LARGE1: variants seen among roughly 807,000 people sequenced by gnomAD.
LARGE1 encodes xylosyl- and glucuronyltransferase LARGE1.
LARGE1 carries 43 observed loss-of-function variants against 87.6 expected under a neutral mutation model. The observed-to-expected ratio is 0.49, with a 90% CI of 0.38 to 0.63. LARGE1 has a LOEUF of 0.63. LARGE1 is among the 30% of genes least tolerant of loss of function. The pLI is 0.00. For synonymous variants in LARGE1, 434 were observed against 394.6 expected (o/e 1.10, Z -1.18); for missense variants, 802 against 1,000.2 (o/e 0.80, Z 2.67).
chr22:33,122,401 C>T, the LARGE1 span, among the ~76,000 whole-genome samples: 3 of 150,030 alleles, frequency 2.0e-5, no homozygotes, highest in African/African-American at 7.4e-5. Flanking sequence ...TCTTGTCGCC[C>T]AGGCTGGAGT....
chr22:33,361,023 T>C (rs1426629350), intron 9 of LARGE1, among the ~76,000 whole-genome samples: 1 of 148,984 alleles, frequency 6.7e-6, no homozygotes, highest in African/African-American at 2.5e-5. Flanking sequence ...AAGACAAGCC[T>C]GCCCAACATG....
intron 2 of LARGE1, among the ~76,000 whole-genome samples, chr22:33,721,663 A>T (rs1461784517): frequency 6.6e-6 from 1 of 152,212 alleles, no homozygotes; most frequent in Non-Finnish European, 1.5e-5. Context: ...GCAGCCACAC[A>T]GTAAATGCAT....
intron 6 of LARGE1, among the ~76,000 whole-genome samples, chr22:33,491,438 G>C (rs900154004): frequency 4.6e-5 from 7 of 152,146 alleles, no homozygotes; most frequent in African/African-American, 1.7e-4. Flanking sequence ...AGTTAAAAAA[G>C]ATGAACGCAT....
At chr22:33,541,078 G>GGGGT (rs1569252354) in intron 6 of LARGE1, among the ~76,000 whole-genome samples, 11 of 62,190 alleles carry the variant, frequency 1.8e-4, no homozygotes, top group East Asian at 6.0e-4. Flanking sequence ...CGGGGGGCGG[G>GGGGT]TTGCAGGGGG....
At chr22:33,319,349 C>T (rs73401407) in intron 10 of LARGE1, among the ~76,000 whole-genome samples, 3,640 of 152,252 alleles carry the variant, frequency 0.024, 138 homozygotes, top group African/African-American at 0.083. Context: ...AGCTCCTCCC[C>T]AATTGCCAAA....
At chr22:33,836,060 G>A (rs1337327487) in intron 1 of LARGE1, among the ~76,000 whole-genome samples, 1 of 152,204 alleles carries the variant, frequency 6.6e-6, no homozygotes, top group Admixed American at 6.5e-5. Context: ...CTGGGGAAGA[G>A]GCCACATTTC....
intron 6 of LARGE1, among the ~76,000 whole-genome samples, chr22:33,450,703 T>G (rs1383686198): frequency 6.6e-6 from 1 of 152,208 alleles, no homozygotes; most frequent in Non-Finnish European, 1.5e-5. Flanking sequence ...TTTAGTCCAA[T>G]CTTTTCATCG....
intron 11 of LARGE1, among the ~76,000 whole-genome samples, chr22:33,212,376 A>G (rs1925006663): frequency 6.6e-6 from 1 of 152,242 alleles, no homozygotes; most frequent in Non-Finnish European, 1.5e-5. Flanking sequence ...AAGCCTGGAT[A>G]ACAGCATATC....
At chr22:33,677,901 A>G (rs2081630574) in intron 2 of LARGE1, among the ~76,000 whole-genome samples, 1 of 152,234 alleles carries the variant, frequency 6.6e-6, no homozygotes, top group Non-Finnish European at 1.5e-5. Context: ...GCGGTCCTCC[A>G]GTACCAGACA....
chr22:33,394,686 C>T (rs2065660083), intron 7 of LARGE1, among the ~76,000 whole-genome samples: 1 of 148,134 alleles, frequency 6.8e-6, no homozygotes, highest in African/African-American at 2.6e-5. Context: ...ACCATGTGGT[C>T]TCAACCTCCT....
Position 33,240,176 on chromosome 22 carries a change from T to C in LARGE1, c.1730+64053A>G, listed in dbSNP as rs551294099. Among the ~76,000 whole-genome samples, 14 of 152,338 alleles carry C rather than the reference T, an allele frequency of 9.2e-5. No individual in the cohort carries two copies. The South Asian group carries it at 2.9e-3, about 32-fold the overall frequency. On this transcript the variant is annotated intron_variant, in intron 11 of 11. Coordinates refer to the LARGE1 transcript ENST00000608642. Reference sequence around the variant, plus strand: ...ACCAGCATTTTGTTTTGTCTGTCTTTTTTCCTTTGGTTATTCTAGTGGGCA... The same window carrying C: ...ACCAGCATTTTGTTTTGTCTGTCTTCTTTCCTTTGGTTATTCTAGTGGGCA...
At chr22:33,744,616 T>C (rs1401870412) in intron 2 of LARGE1, among the ~76,000 whole-genome samples, 1 of 152,256 alleles carries the variant, frequency 6.6e-6, no homozygotes, top group Non-Finnish European at 1.5e-5. Flanking sequence ...TTAGGTTTTA[T>C]GTACTGTGTT....
the LARGE1 span, among the ~76,000 whole-genome samples, chr22:33,118,504 G>GAAAAAAAAAA: frequency 5.0e-5 from 4 of 80,452 alleles, no homozygotes; most frequent in Admixed American, 1.4e-4. Flanking sequence ...AAAGAAAAAA[G>GAAAAAAAAAA]AAAAAAAAAA....
At chr22:33,431,698 A>T (rs940569921) in intron 7 of LARGE1, among the ~76,000 whole-genome samples, 3 of 152,242 alleles carry the variant, frequency 2.0e-5, no homozygotes, top group Non-Finnish European at 4.4e-5. Context: ...TTCCCACCAC[A>T]TACATGGAAG....
chr22:33,528,131 G>A (rs1390433383), intron 6 of LARGE1, among the ~76,000 whole-genome samples: 4 of 144,822 alleles, frequency 2.8e-5, no homozygotes, highest in Non-Finnish European at 4.4e-5. Context: ...GGCAGAGGTC[G>A]GGGGGGGCGG....
At chr22:33,390,355 C>T (rs372799519) in intron 7 of LARGE1, among the ~76,000 whole-genome samples, 26 of 152,256 alleles carry the variant, frequency 1.7e-4, no homozygotes, top group African/African-American at 5.1e-4. Flanking sequence ...AAGTTTGCAT[C>T]GATGTGGGAA....
At chr22:33,627,509 C>A (rs976014565) in intron 3 of LARGE1, among the ~76,000 whole-genome samples, 2 of 152,210 alleles carry the variant, frequency 1.3e-5, no homozygotes, top group African/African-American at 4.8e-5. Context: ...CTGAGAGATG[C>A]CTTTTCTTTT....
chr22:33,574,683 CAATT>C (rs2078299134), intron 5 of LARGE1, among the ~76,000 whole-genome samples: 1 of 138,714 alleles, frequency 7.2e-6, no homozygotes, highest in Non-Finnish European at 1.5e-5. Context: ...GAGATATAAA[CAATT>C]GTGTGTGTGT....
the LARGE1 span, among the ~76,000 whole-genome samples, chr22:33,091,391 T>A: frequency 1.3e-5 from 2 of 152,174 alleles, no homozygotes; most frequent in East Asian, 3.9e-4. Flanking sequence ...TGAAACCTTG[T>A]CTTTACTAAA....
Sources: gnomAD v4.1 joint callset for allele counts (sites outside exome capture counted in the v4.1 genomes callset) on GRCh38, gnomAD v4.1.1 for gene constraint, MANE v1.5 for transcripts, NCBI Gene and HGNC (gene_info 2026-07-23, HGNC 2026-07-21) for gene names.